Variants in RCBTB2 observed in about 807,000 individuals in gnomAD.
RCBTB2 encodes RCC1 and BTB domain-containing protein 2.
In RCBTB2, 55 loss-of-function variants were observed where a neutral mutation model predicts 65.4. The observed-to-expected ratio is 0.84, with a 90% CI of 0.68 to 1.05. The LOEUF is 1.05. Ranked by LOEUF, RCBTB2 falls within the 50% of genes least tolerant of loss-of-function variation. RCBTB2 has a pLI of 0.00. For missense variants in RCBTB2, 599 were observed against 680.1 expected, an observed-to-expected ratio of 0.88 and a Z score of 1.33; for synonymous variants, 220 against 255.2, an observed-to-expected ratio of 0.86 and a Z score of 1.31.
At chr13:48,498,911 C>G (rs747858819) in intron 13 of RCBTB2, among the ~76,000 whole-genome samples, 6 of 152,116 alleles carry the variant, frequency 3.9e-5, no homozygotes, top group Non-Finnish European at 7.4e-5. Flanking sequence ...CTCATCCCAT[C>G]TATCAACAAA....
At chr13:48,510,234 C>T (rs1034423906) in intron 10 of RCBTB2, among the ~76,000 whole-genome samples, 3 of 152,178 alleles carry the variant, frequency 2.0e-5, no homozygotes, top group African/African-American at 7.2e-5. Context: ...AGCTTTATAC[C>T]CCATGCAAGG....
chr13:48,514,400 T>G (rs1950972670), intron 6 of RCBTB2, among the ~76,000 whole-genome samples: 1 of 152,246 alleles, frequency 6.6e-6, no homozygotes, highest in Admixed American at 6.5e-5. Flanking sequence ...ATTTTGGAAA[T>G]TTTACATTTA....
intron 14 of RCBTB2, chr13:48,492,437 T>G (rs565886236): frequency 6.6e-6 from 1 of 152,362 alleles, no homozygotes; most frequent in Non-Finnish European, 1.5e-5. Flanking sequence ...AAAGATGTTT[T>G]ACCTCAAATG....
intron 4 of RCBTB2, among the ~76,000 whole-genome samples, chr13:48,521,652 T>C (rs546577203): frequency 6.6e-6 from 1 of 151,636 alleles, no homozygotes; most frequent in Non-Finnish European, 1.5e-5. Flanking sequence ...TTGCGCCTCA[T>C]CTGTCACTGT....
intron 5 of RCBTB2, 75 bp from the exon 6 acceptor site, chr13:48,515,430 A>C (rs752806665): frequency 1.4e-6 from 2 of 1,476,872 alleles, no homozygotes; most frequent in Non-Finnish European, 1.8e-6. Context: ...AACAGGAATC[A>C]TCTTCCTTAA....
chr13:48,500,821 A>G lies in RCBTB2; in HGVS notation c.1244+921T>C, dbSNP rs150551644. Among the ~76,000 whole-genome samples the G allele has an allele frequency of 1.2e-3, 185 of 152,288 alleles. 1 individual carries two copies. The highest frequency in any genetic ancestry group is 4.2e-3 in the African/African-American group (175 of 41,558). On this transcript the variant is annotated intron_variant, in intron 12 of 14. Transcript: ENST00000344532. The stretch of plus-strand genomic sequence containing the variant: ...CCGGGCCATAGTACTGTGTTACAGC[A>G]AACAAATCCACCCCCCTTCTTTCAT...
intron 1 of RCBTB2, among the ~76,000 whole-genome samples, chr13:48,528,549 C>T (rs963279133): frequency 1.3e-5 from 2 of 152,036 alleles, no homozygotes; most frequent in Admixed American, 6.5e-5. Flanking sequence ...TTTACAGCAT[C>T]GGTGTGTTAA....
intron 2 of RCBTB2, among the ~76,000 whole-genome samples, chr13:48,523,743 G>A (rs1214241633): frequency 2.0e-5 from 3 of 152,124 alleles, no homozygotes; most frequent in African/African-American, 7.2e-5. Context: ...TAGCAGAAGG[G>A]AAATCTTCCT....
Position 48,496,250 on chromosome 13 carries a change from C to T in RCBTB2, c.1456G>A (p.Gly486Ser). 1 of 1,594,778 alleles carries T rather than the reference C, an allele frequency of 6.3e-7. No homozygotes were observed. Residue 486 changes from glycine to serine, a missense_variant, in exon 14 of 15, where the codon GGC becomes AGC. Physicochemically the swap from Gly to Ser is moderately conservative, Grantham distance 56. Transcript: ENST00000344532. Reference protein sequence around the residue: ...KKLCQQTIKQGICEENAIALL... With the variant: ...KKLCQQTIKQSICEENAIALL... ...GCGATGGCATTCTCCTCGCAGATGC[C>T]TTGCTTGATAGTTTGTTGGCAGAGC...
intron 14 of RCBTB2, among the ~76,000 whole-genome samples, chr13:48,494,599 G>A (rs1013001711): frequency 1.3e-5 from 2 of 152,190 alleles, no homozygotes; most frequent in Non-Finnish European, 2.9e-5. Context: ...AAGGTAGCCA[G>A]ACAAATAATT....
Position 48,499,164 on chromosome 13 carries a change from T to TCA in RCBTB2, c.1384+456_1384+457insTG, listed in dbSNP as rs1163460244. 9.5e-4 allele frequency among the ~76,000 whole-genome samples: 142 copies of TCA among 149,214 alleles called. 2 individuals are homozygous for TCA. Among genetic ancestry groups the TCA allele is most frequent in the African/African-American group, 3.4e-3 (136 of 39,430 alleles). The stretch of plus-strand genomic sequence containing the variant: ...CACACTCTCTCTCTCTCTCTCTCTC[T>TCA]CTCTCACACACACACACACATCCAT... On this transcript the variant is annotated intron_variant, in intron 13 of 14. Coordinates refer to ENST00000344532, the MANE Select transcript of RCBTB2 (RefSeq NM_001268.4).
chr13:48,526,446 G>A (rs1951737426), intron 1 of RCBTB2, among the ~76,000 whole-genome samples: 1 of 152,054 alleles, frequency 6.6e-6, no homozygotes, highest in Non-Finnish European at 1.5e-5. Context: ...TAAGATAGGT[G>A]GATCGCTTGA....
rs1949954272 is a variant in RCBTB2, at chr13:48,496,097, C to T, written c.1515+94G>A. The T allele has an allele frequency of 5.0e-6, 6 of 1,196,900 alleles. No individual in the cohort carries two copies. The Admixed American group carries it at 9.0e-5, about 18-fold the overall frequency. 74.1% of individuals were successfully genotyped at this position (1,196,900 alleles called of 1,614,324 possible). ...TTTTTTAAAAAATATTAAATATTTC[C>T]TCTACCCAGACTTTCTTTTAGTTTA... On this transcript the variant is annotated intron_variant, in intron 14 of 14. Transcript: ENST00000344532.
chr13:48,500,021 C>T (rs1300131199), intron 12 of RCBTB2, among the ~76,000 whole-genome samples: 1 of 152,262 alleles, frequency 6.6e-6, no homozygotes, highest in Admixed American at 6.5e-5. Flanking sequence ...ATCTCTCTCA[C>T]ACCACAACCA....
At chr13:48,518,566 C>CA (rs1257186785) in intron 4 of RCBTB2, among the ~76,000 whole-genome samples, 15 of 144,826 alleles carry the variant, frequency 1.0e-4, no homozygotes, top group East Asian at 2.0e-4. Flanking sequence ...ATTTGGAATT[C>CA]AAAAAAAAAT....
Position 48,499,729 on chromosome 13 carries a change from T to C in RCBTB2, c.1276A>G (p.Asn426Asp), listed in dbSNP as rs1950148064. 2 of 1,614,232 alleles carry C rather than the reference T, an allele frequency of 1.2e-6. No homozygotes were observed. The highest frequency in any genetic ancestry group is 2.7e-5 in the African/African-American group (2 of 75,058). The change falls in exon 13 of 15, where the codon AAC becomes GAC. Residue 426 changes from asparagine (N) to aspartate (D), a missense_variant. Coordinates refer to ENST00000344532, the MANE Select transcript of RCBTB2 (RefSeq NM_001268.4). ...CEHFRSSLED[N>D]EDDIVEMSEF... ...CTCATTTCTACAATATCATCCTCGT[T>C]ATCTTCCAATGACGAACGAAAATGC... is the stretch of plus-strand genomic sequence containing the variant.
chr13:48,518,254 T>A (rs1951203503), intron 4 of RCBTB2, among the ~76,000 whole-genome samples: 1 of 152,054 alleles, frequency 6.6e-6, no homozygotes, highest in Non-Finnish European at 1.5e-5. Flanking sequence ...ACCCTGTGAG[T>A]TAATGGCAGA....
At chr13:48,514,662 T>C (rs1322031069) in intron 6 of RCBTB2, among the ~76,000 whole-genome samples, 1 of 152,256 alleles carries the variant, frequency 6.6e-6, no homozygotes, top group Non-Finnish European at 1.5e-5. Flanking sequence ...TTGAGATTTC[T>C]TGGACCGTTC....
chr13:48,490,302 T>C (rs992949028), intron 14 of RCBTB2, 51 bp from the exon 15 acceptor site: 5 of 1,512,796 alleles, frequency 3.3e-6, no homozygotes, highest in Middle Eastern at 1.7e-4. Context: ...ACTAATTCAA[T>C]GCAACATAGC....
Sources: allele counts gnomAD v4.1 joint callset (sites outside exome capture counted in the v4.1 genomes callset), GRCh38; gene constraint gnomAD v4.1.1; transcripts MANE v1.5; gene names NCBI Gene and HGNC (gene_info 2026-07-23, HGNC 2026-07-21).